BDH2: variants seen among roughly 807,000 people sequenced by gnomAD.
The protein encoded by BDH2 is dehydrogenase/reductase SDR family member 6.
A neutral mutation model predicts 33.2 loss-of-function variants in BDH2; 24 were observed. That is an observed-to-expected ratio of 0.72 (90% CI 0.52 to 1.02). The LOEUF is 1.02. BDH2 is among the 50% of genes least tolerant of loss of function. The probability of loss-of-function intolerance (pLI) is 0.00; values close to 1 mark genes in which losing one functional copy is unlikely to be tolerated. For synonymous variants in BDH2, 81 were observed against 101.6 expected, an observed-to-expected ratio of 0.80 and a Z score of 1.22; for missense variants, 249 against 301.6, an observed-to-expected ratio of 0.83 and a Z score of 1.29.
intron 5 of BDH2, among the ~76,000 whole-genome samples, chr4:103,090,478 G>A (rs1748025710): frequency 6.6e-6 from 1 of 152,188 alleles, no homozygotes; most frequent in African/African-American, 2.4e-5. Context: ...GCAGAGAAAA[G>A]CAATGGGGTA....
At chr4:103,099,095 A>G (rs1748534403) in intron 1 of BDH2, 1 of 152,198 alleles carries the variant, frequency 6.6e-6, no homozygotes, top group South Asian at 2.1e-4. Context: ...GATATACTTT[A>G]TCCTCCTTGA....
In BDH2 at chr4:103,079,014, C is replaced by T. The variant is rs1190247764; in HGVS notation, c.*688G>A. Among the ~76,000 whole-genome samples the T allele has an allele frequency of 2.0e-5, 3 of 152,126 alleles. No individual in the cohort carries two copies. Among genetic ancestry groups the T allele is most frequent in the Non-Finnish European group, 4.4e-5 (3 of 68,020 alleles). The stretch of plus-strand genomic sequence containing the variant: ...ATCTTCTTCCTTAACCCCCATCTCC[C>T]CCACAAAAAAACAAAAACTTCCTTT... On this transcript the variant is annotated 3_prime_UTR_variant, in exon 10 of 10. Transcript: ENST00000296424.
At chr4:103,091,083 T>C (rs543932964) in intron 5 of BDH2, 94 bp downstream of exon 5, 2 of 693,326 alleles carry the variant, frequency 2.9e-6, no homozygotes, top group Admixed American at 4.8e-5. Flanking sequence ...TGTTAGTTAT[T>C]ATCACTCTTC....
intron 1 of BDH2, chr4:103,097,514 A>T (rs1002477811): frequency 6.6e-6 from 1 of 152,182 alleles, no homozygotes; most frequent in Non-Finnish European, 1.5e-5. Context: ...TCTGTCATTA[A>T]TGTGTGCCTC....
intron 8 of BDH2, 73 bp from the exon 9 acceptor site, chr4:103,082,246 A>T: frequency 7.6e-7 from 1 of 1,319,736 alleles, no homozygotes; most frequent in Non-Finnish European, 1.1e-6. Context: ...TTGTTCAAGG[A>T]GTTAAAGGCA....
rs1472616393 is a variant in BDH2, at chr4:103,092,701, A to C, written c.152-5T>G. The C allele has an allele frequency of 6.3e-7, 1 of 1,593,274 alleles. No individual in the cohort carries two copies. Among genetic ancestry groups the C allele is most frequent in the Middle Eastern group, 1.7e-4 (1 of 6,034 alleles). ...CAAGGACACGAGTTTGAATACCTGA[A>C]AAATAAAACAAGAGGCACTATTCCT... On this transcript the variant is annotated splice_region_variant and splice_polypyrimidine_tract_variant and intron_variant, in intron 3 of 9. Coordinates refer to ENST00000296424, the MANE Select transcript of BDH2 (RefSeq NM_020139.4).
At chr4:103,095,742 C>T (rs1273191277) in intron 2 of BDH2, among the ~76,000 whole-genome samples, 1 of 152,104 alleles carries the variant, frequency 6.6e-6, no homozygotes, top group Non-Finnish European at 1.5e-5. Context: ...TACTGTTATA[C>T]TTAAGGTGCC....
At chr4:103,084,327 T>C (rs1359432137) in intron 7 of BDH2, among the ~76,000 whole-genome samples, 1 of 152,216 alleles carries the variant, frequency 6.6e-6, no homozygotes, top group African/African-American at 2.4e-5. Flanking sequence ...GCTGTGTCCA[T>C]GGCACAGACA....
At chr4:103,085,564 T>G in intron 6 of BDH2, 102 bp from the exon 7 acceptor site, 1 of 1,415,760 alleles carries the variant, frequency 7.1e-7, no homozygotes, top group Non-Finnish European at 9.6e-7. Context: ...TTTCATGCTT[T>G]CTCCCACATT....
At chr4:103,091,730 G>T (rs1167453298) in intron 4 of BDH2, 1 of 454,872 alleles carries the variant, frequency 2.2e-6, no homozygotes, top group African/African-American at 2.0e-5. Flanking sequence ...GGGGAACCAA[G>T]ACAAACCCTG....
Position 103,079,653 on chromosome 4 carries a change from C to G in BDH2, c.*49G>C. 6.4e-7 allele frequency: 1 copy of G among 1,566,358 alleles called. No individual in the cohort carries two copies. Reference sequence around the variant, plus strand: ...TGAGTTTTCTTCGTAACCAGGTTCACTGTGGATAGGAAGGGCCTGCCTTCC... The same window carrying G: ...TGAGTTTTCTTCGTAACCAGGTTCAGTGTGGATAGGAAGGGCCTGCCTTCC... On this transcript the variant is annotated 3_prime_UTR_variant, in exon 10 of 10. Transcript: ENST00000296424.
rs1384033094 is a variant in BDH2 at position 103,099,817 on chromosome 4, C to G, written c.-55G>C. 1.3e-5 allele frequency: 2 copies of G among 152,160 alleles called. No homozygotes were observed. The highest frequency in any genetic ancestry group is 1.3e-4 in the Admixed American group (2 of 15,280). The allele number at this position is 152,160 out of a possible 1,614,324, so 9.4% of individuals were successfully genotyped here. A position where few individuals can be genotyped will look rare whatever the true frequency, so the allele number is the denominator to read the frequency against. The stretch of plus-strand genomic sequence containing the variant: ...CGAGCTGATGGCGTTCTCCAGAACT[C>G]GGTTTGAGCAACAAACTTGAGACAA... On this transcript the variant is annotated 5_prime_UTR_variant, in exon 1 of 10. Coordinates refer to ENST00000296424, the MANE Select transcript of BDH2 (RefSeq NM_020139.4).
chr4:103,079,855 T>C, intron 9 of BDH2, 100 bp from the exon 10 acceptor site: 1 of 1,108,550 alleles, frequency 9.0e-7, no homozygotes, highest in East Asian at 2.4e-5. Context: ...CAATTTACCC[T>C]TGTCCTAACA....
chr4:103,086,577 C>T (rs1461729327), intron 5 of BDH2, 37 bp from the exon 6 acceptor site: 1 of 1,552,144 alleles, frequency 6.4e-7, no homozygotes, highest in Non-Finnish European at 8.7e-7. Flanking sequence ...AAAAAAAATC[C>T]ACTTTGTGGG....
rs1229143688 is a variant in BDH2, at chr4:103,078,925, G to A, written c.*777C>T. On this transcript the variant is annotated 3_prime_UTR_variant, in exon 10 of 10. Coordinates refer to ENST00000296424, the MANE Select transcript of BDH2 (RefSeq NM_020139.4). ...ACTCCTGGCCGCAAGTGATCCTCCT[G>A]CCTTGGCCTCCCAAAGTGCAGGAAT... 1.3e-5 allele frequency among the ~76,000 whole-genome samples: 2 copies of A among 152,092 alleles called. No individual in the cohort carries two copies. Among genetic ancestry groups the A allele is most frequent in the Admixed American group, 6.5e-5 (1 of 15,272 alleles).
chr4:103,086,258 G>A (rs535222340), intron 6 of BDH2: 1 of 1,293,700 alleles, frequency 7.7e-7, no homozygotes, highest in East Asian at 3.0e-5. Flanking sequence ...AGAATAAAAG[G>A]GAGGGCAAAA....
At chr4:103,085,303 G>T in intron 7 of BDH2, 46 bp downstream of exon 7, 1 of 1,443,458 alleles carries the variant, frequency 6.9e-7, no homozygotes, top group Non-Finnish European at 9.6e-7. Flanking sequence ...GGGTGTGGAA[G>T]TGTTTCAGTA....
intron 9 of BDH2, among the ~76,000 whole-genome samples, chr4:103,081,315 T>C (rs556062526): frequency 2.6e-5 from 4 of 152,368 alleles, no homozygotes; most frequent in African/African-American, 9.6e-5. Context: ...TTATTTATTT[T>C]GAGACGGAGT....
chr4:103,094,027 C>A (rs1356900372), intron 3 of BDH2, among the ~76,000 whole-genome samples: 3 of 152,068 alleles, frequency 2.0e-5, no homozygotes, highest in African/African-American at 7.2e-5. Flanking sequence ...GGTTACCTTT[C>A]ATATAGGTTC....
Sources: allele counts gnomAD v4.1 joint callset (sites outside exome capture counted in the v4.1 genomes callset), GRCh38; gene constraint gnomAD v4.1.1; transcripts MANE v1.5; gene names NCBI Gene and HGNC (gene_info 2026-07-23, HGNC 2026-07-21).